The following DGKH variants were observed in gnomAD, a reference collection of about 807,000 sequenced individuals.
The protein encoded by DGKH is DAG kinase eta.
In DGKH, 90 loss-of-function variants were observed where a neutral mutation model predicts 159.3. That is an observed-to-expected ratio of 0.57 (90% CI 0.48 to 0.67). The LOEUF is 0.67. DGKH is among the 30% of genes least tolerant of loss of function. The pLI, the probability that DGKH is intolerant of heterozygous loss-of-function variation, is 0.00. For missense variants in DGKH, 1,181 were observed against 1,506.1 expected, an observed-to-expected ratio of 0.78 and a Z score of 3.57; for synonymous variants, 536 against 553.8, an observed-to-expected ratio of 0.97 and a Z score of 0.45.
chr13:42,101,974 C>G (rs1362635793), intron 1 of DGKH, among the ~76,000 whole-genome samples: 1 of 152,058 alleles, frequency 6.6e-6, no homozygotes, highest in Non-Finnish European at 1.5e-5. Flanking sequence ...TGGCTGAGGC[C>G]CCAAAACATT....
intron 6 of DGKH, 36 bp from the exon 7 acceptor site, chr13:42,159,975 G>A: frequency 1.2e-6 from 2 of 1,614,162 alleles, no homozygotes; most frequent in Middle Eastern, 1.7e-4. Context: ...GTGTCCGCCA[G>A]TCTTCACCTG....
intron 7 of DGKH, among the ~76,000 whole-genome samples, chr13:42,163,463 G>C (rs1471962718): frequency 6.6e-6 from 1 of 152,074 alleles, no homozygotes; most frequent in Non-Finnish European, 1.5e-5. Context: ...GTTGAACCAG[G>C]TTACAGTCCC....
At chr13:42,138,913 A>G (rs17696391) in intron 3 of DGKH, among the ~76,000 whole-genome samples, 18,221 of 152,178 alleles carry the variant, frequency 0.12, 1,594 homozygotes, top group East Asian at 0.42. Flanking sequence ...TTTAAGTACA[A>G]TTTAGATGGC....
intron 2 of DGKH, 50 bp from the exon 3 acceptor site, chr13:42,129,502 T>C (rs755202282): frequency 4.1e-6 from 6 of 1,470,844 alleles, no homozygotes; most frequent in South Asian, 1.2e-5. Context: ...TTGAAGAGCA[T>C]TGAGTTAGGT....
At chr13:42,247,501 G>C (rs999108230), downstream of DGKH, among the ~76,000 whole-genome samples, 1 of 147,660 alleles carries the variant, frequency 6.8e-6, no homozygotes, top group African/African-American at 2.5e-5. Flanking sequence ...AAAGTGCTGG[G>C]ATTACAGGCG....
At chr13:42,177,877 A>C (rs1956644164) in intron 12 of DGKH, among the ~76,000 whole-genome samples, 1 of 152,120 alleles carries the variant, frequency 6.6e-6, no homozygotes, top group South Asian at 2.1e-4. Context: ...TTTTATATTG[A>C]GATATTTTTA....
chr13:42,044,221 G>A (rs1195661282), upstream of DGKH: 3 of 152,168 alleles, frequency 2.0e-5, no homozygotes, highest in African/African-American at 4.8e-5. Context: ...GAACTATTCA[G>A]GCAGAAGAGT....
At chr13:42,052,062 A>ATGCT (rs1174435722) in intron 1 of DGKH, among the ~76,000 whole-genome samples, 2 of 152,166 alleles carry the variant, frequency 1.3e-5, no homozygotes, top group Non-Finnish European at 2.9e-5. Flanking sequence ...ATATGGTTCA[A>ATGCT]TCTAATATGT....
Position 42,237,906 on chromosome 13 carries a change from TGCC to T in DGKH, c.*8719_*8721del, listed in dbSNP as rs1227671797. The T allele has an allele frequency of 1.3e-5, 2 of 152,238 alleles. No individual in the cohort carries two copies. The highest frequency in any genetic ancestry group is 3.8e-4 in the East Asian group (2 of 5,198). 9.4% of individuals were successfully genotyped at this position (152,238 alleles called of 1,614,324 possible). On this transcript the variant is annotated 3_prime_UTR_variant, in exon 30 of 30. Transcript: ENST00000337343. Reference sequence around the variant, plus strand: ...AAACTTGCTAAGCCTTTCTTAAACTTGCCAAGTATTAGCAATGATAATTGCTAA... The same window carrying T: ...AAACTTGCTAAGCCTTTCTTAAACTTAAGTATTAGCAATGATAATTGCTAA...
chr13:42,070,544 G>T, intron 1 of DGKH: 2 of 1,450,466 alleles, frequency 1.4e-6, no homozygotes, highest in Non-Finnish European at 1.9e-6. Context: ...TGACTCTTAC[G>T]GGAATAATGA....
intron 7 of DGKH, among the ~76,000 whole-genome samples, chr13:42,163,753 T>G (rs1956248737): frequency 6.6e-6 from 1 of 151,582 alleles, no homozygotes; most frequent in Admixed American, 6.6e-5. Flanking sequence ...TTGTAGATTC[T>G]GGATATTAGC....
At chr13:42,168,860 T>C (rs766673488) in intron 11 of DGKH, 42 bp downstream of exon 11, 18 of 1,560,098 alleles carry the variant, frequency 1.2e-5, no homozygotes, top group Non-Finnish European at 1.5e-5. Flanking sequence ...GAAAATGGCA[T>C]ACTGAAATCA....
intron 1 of DGKH, among the ~76,000 whole-genome samples, chr13:42,108,018 T>A (rs1954793733): frequency 6.6e-6 from 1 of 152,200 alleles, no homozygotes; most frequent in African/African-American, 2.4e-5. Flanking sequence ...GTGTCACCTC[T>A]GCTTTATTAC....
At chr13:42,186,278 G>C (rs540300520) in intron 13 of DGKH, among the ~76,000 whole-genome samples, 13 of 152,196 alleles carry the variant, frequency 8.5e-5, no homozygotes, top group Non-Finnish European at 1.6e-4. Context: ...AAAAAAGCTG[G>C]TCATATACCA....
At chr13:42,133,475 T>C (rs1955334684) in intron 3 of DGKH, among the ~76,000 whole-genome samples, 1 of 152,102 alleles carries the variant, frequency 6.6e-6, no homozygotes, top group Non-Finnish European at 1.5e-5. Context: ...TAGGATCTCA[T>C]GAAGCCAGGA....
At chr13:42,040,364 G>A (rs545108533) in intron 1 of DGKH, among the ~76,000 whole-genome samples, 1 of 152,186 alleles carries the variant, frequency 6.6e-6, no homozygotes, top group Admixed American at 6.5e-5. Flanking sequence ...CCGCGCGCCC[G>A]GCCCCGGGGG....
At chr13:42,155,600 C>G (rs765687085) in intron 4 of DGKH, 67 bp from the exon 5 acceptor site, 1 of 1,607,530 alleles carries the variant, frequency 6.2e-7, no homozygotes, top group Non-Finnish European at 8.5e-7. Flanking sequence ...ATATGCATTC[C>G]AAACAGTTCA....
intron 3 of DGKH, among the ~76,000 whole-genome samples, chr13:42,144,371 C>T (rs1441024874): frequency 6.6e-6 from 1 of 151,976 alleles, no homozygotes. Flanking sequence ...GTGATGTGCA[C>T]GAAAATCTTA....
intron 1 of DGKH, among the ~76,000 whole-genome samples, chr13:42,061,630 C>G (rs1263991042): frequency 1.3e-5 from 2 of 152,180 alleles, no homozygotes; most frequent in Admixed American, 1.3e-4. Flanking sequence ...CCTCTCTTCT[C>G]CATTCTCTAC....
Sources: gnomAD v4.1 joint callset for allele counts (sites outside exome capture counted in the v4.1 genomes callset) on GRCh38, gnomAD v4.1.1 for gene constraint, MANE v1.5 for transcripts, NCBI Gene and HGNC (gene_info 2026-07-23, HGNC 2026-07-21) for gene names.